TRIP4: variants seen among roughly 807,000 people sequenced by gnomAD.
TRIP4 encodes activating signal cointegrator 1.
Under a neutral mutation model 81.8 loss-of-function variants are expected in TRIP4, and 54 were observed. The ratio of observed to expected loss-of-function variants is 0.66; its 90% confidence interval spans 0.53 to 0.83. The LOEUF (loss-of-function observed/expected upper bound fraction) is 0.83. Among genes scored for constraint, TRIP4 ranks in the 40% least tolerant of loss-of-function variants. The probability of loss-of-function intolerance (pLI) is 0.00; values close to 1 mark genes in which losing one functional copy is unlikely to be tolerated. For missense variants in TRIP4, 662 were observed against 683.6 expected, an observed-to-expected ratio of 0.97 and a Z score of 0.35; for synonymous variants, 270 against 242.8, an observed-to-expected ratio of 1.11 and a Z score of -1.04.
At chr15:64,408,567 T>C (rs1891686542) in intron 6 of TRIP4, among the ~76,000 whole-genome samples, 1 of 152,064 alleles carries the variant, frequency 6.6e-6, no homozygotes, top group African/African-American at 2.4e-5. Flanking sequence ...GCTGACAAAA[T>C]TTTTTTATAA....
intron 11 of TRIP4, among the ~76,000 whole-genome samples, chr15:64,443,839 TAGAG>T (rs1250879660): frequency 6.6e-6 from 1 of 151,930 alleles, no homozygotes; most frequent in African/African-American, 2.4e-5. Flanking sequence ...CTGGGCAACA[TAGAG>T]AGACCCCATC....
intron 12 of TRIP4, among the ~76,000 whole-genome samples, chr15:64,450,376 G>A (rs564938883): frequency 7.9e-6 from 1 of 126,628 alleles, no homozygotes; most frequent in South Asian, 2.8e-4. Flanking sequence ...GCGAGAGTGT[G>A]AGACTCCGTC....
At chr15:64,411,453 C>T (rs1891758474) in intron 7 of TRIP4, among the ~76,000 whole-genome samples, 1 of 151,964 alleles carries the variant, frequency 6.6e-6, no homozygotes, top group Non-Finnish European at 1.5e-5. Flanking sequence ...CTCAATTTTG[C>T]TCTGAACCTA....
chr15:64,411,947 C>T (rs533775866), intron 7 of TRIP4, among the ~76,000 whole-genome samples: 1 of 100 alleles, frequency 0.01, no homozygotes, highest in South Asian at 0.5. Context: ...TCCCAAAGTG[C>T]TGGGATACAG....
intron 7 of TRIP4, among the ~76,000 whole-genome samples, chr15:64,413,236 A>G (rs1298435979): frequency 6.6e-6 from 1 of 151,884 alleles, no homozygotes; most frequent in Non-Finnish European, 1.5e-5. Context: ...CTTATTGACT[A>G]TTGCCCAAGC....
In TRIP4 at chr15:64,400,656, G is replaced by A. The variant is rs1891474895; in HGVS notation, c.619-87G>A. 3 of 962,504 alleles carry A rather than the reference G, an allele frequency of 3.1e-6. No homozygotes were observed. The East Asian group carries it at 7.5e-5, about 24-fold the overall frequency. 59.6% of individuals were successfully genotyped at this position (962,504 alleles called of 1,614,324 possible). A position where few individuals can be genotyped will look rare whatever the true frequency, so the allele number is the denominator to read the frequency against. ...TCTCATTATTTTATCATCATCTAAT[G>A]TGTAATTTCAGGTTACTTTTAGATA... On this transcript the variant is annotated intron_variant, in intron 4 of 12. Coordinates refer to ENST00000261884, the MANE Select transcript of TRIP4 (RefSeq NM_016213.5).
chr15:64,397,135 G>A (rs1900319259), intron 3 of TRIP4, among the ~76,000 whole-genome samples: 1 of 152,090 alleles, frequency 6.6e-6, no homozygotes, highest in South Asian at 2.1e-4. Flanking sequence ...TCGACTAACT[G>A]CAACCTCCAC....
At position 64,424,462 on chromosome 15, in the gene TRIP4, T is replaced by A. The variant is rs192848521; in HGVS notation, c.1483+307T>A. 10 of 258,222 alleles carry A rather than the reference T, an allele frequency of 3.9e-5. No individual in the cohort carries two copies. In the Admixed American group the frequency reaches 4.8e-4, roughly 13 times the overall value. The allele number at this position is 258,222 out of a possible 1,614,324, so 16.0% of individuals were successfully genotyped here. A position where few individuals can be genotyped will look rare whatever the true frequency, so the allele number is the denominator to read the frequency against. ...AGTGTAAACTCTGAGATCCTTACATTGGGAAGAACAACCACAAATAGGAAT... is the reference window on the plus strand; with the variant it reads ...AGTGTAAACTCTGAGATCCTTACATAGGGAAGAACAACCACAAATAGGAAT... On this transcript the variant is annotated intron_variant, in intron 10 of 12. Transcript: ENST00000261884.
intron 11 of TRIP4, among the ~76,000 whole-genome samples, chr15:64,442,473 T>TG (rs1377859060): frequency 2.0e-5 from 3 of 151,970 alleles, no homozygotes; most frequent in Non-Finnish European, 4.4e-5. Context: ...TTTGTAGAGA[T>TG]GGGGTCTTGC....
chr15:64,432,336 A>G (rs983442456), intron 11 of TRIP4, among the ~76,000 whole-genome samples: 5 of 152,124 alleles, frequency 3.3e-5, no homozygotes, highest in Admixed American at 6.6e-5. Context: ...TACTTGAGCC[A>G]GGCGCAGTGG....
intron 9 of TRIP4, among the ~76,000 whole-genome samples, chr15:64,422,894 A>G (rs886516920): frequency 7.2e-5 from 11 of 152,188 alleles, no homozygotes; most frequent in African/African-American, 2.7e-4. Context: ...TCGTGCACCT[A>G]CTGTGTGCCT....
intron 11 of TRIP4, among the ~76,000 whole-genome samples, chr15:64,432,790 A>C (rs1365840493): frequency 2.0e-5 from 3 of 151,526 alleles, no homozygotes; most frequent in African/African-American, 7.3e-5. Context: ...ATGCGCCTGT[A>C]ATCCCAGCTA....
chr15:64,434,714 T>C (rs969236524), intron 11 of TRIP4, among the ~76,000 whole-genome samples: 4 of 152,154 alleles, frequency 2.6e-5, no homozygotes, highest in African/African-American at 4.8e-5. Context: ...ACAGGAACAA[T>C]GATGCAAGGG....
At chr15:64,418,885 G>A (rs887118757) in intron 9 of TRIP4, among the ~76,000 whole-genome samples, 157 bp downstream of exon 9, 3 of 152,066 alleles carry the variant, frequency 2.0e-5, no homozygotes, top group African/African-American at 7.2e-5. Flanking sequence ...TTACTGACTT[G>A]GTAGCAGTAT....
intron 5 of TRIP4, among the ~76,000 whole-genome samples, chr15:64,405,039 G>T (rs755013646): frequency 6.6e-6 from 1 of 151,794 alleles, no homozygotes; most frequent in Admixed American, 6.6e-5. Context: ...CTCTTTTCTG[G>T]GATATACAAA....
At chr15:64,402,225 ATT>A (rs759068935) in intron 5 of TRIP4, among the ~76,000 whole-genome samples, 4 of 142,188 alleles carry the variant, frequency 2.8e-5, no homozygotes. Context: ...GGTTAAGGAC[ATT>A]TTTTTTTTTT....
intron 2 of TRIP4, among the ~76,000 whole-genome samples, chr15:64,394,867 A>G (rs1409352513): frequency 1.3e-5 from 2 of 152,148 alleles, no homozygotes; most frequent in Non-Finnish European, 2.9e-5. Flanking sequence ...GTTTTGAGAC[A>G]TGGTCTCACT....
At chr15:64,421,499 CT>C (rs1892012849) in intron 9 of TRIP4, among the ~76,000 whole-genome samples, 1 of 151,328 alleles carries the variant, frequency 6.6e-6, no homozygotes, top group Non-Finnish European at 1.5e-5. Context: ...CCATGCCCGG[CT>C]AATTTTTGTA....
chr15:64,422,863 T>C lies in TRIP4; in HGVS notation c.1359-1168T>C, dbSNP rs552917053. On this transcript the variant is annotated intron_variant, in intron 9 of 12. Transcript: ENST00000261884. ...GGTTATTTGGCCTAGAGGGAAGATATACATTGGTTCATTCCCCATATCGTG... is the reference window on the plus strand; with the variant it reads ...GGTTATTTGGCCTAGAGGGAAGATACACATTGGTTCATTCCCCATATCGTG... Among the ~76,000 whole-genome samples, 8 of 152,322 alleles carry C rather than the reference T, an allele frequency of 5.3e-5. No homozygotes were observed. The South Asian group carries it at 1.5e-3, about 28-fold the overall frequency.
Sources: gnomAD v4.1 joint callset for allele counts (sites outside exome capture counted in the v4.1 genomes callset) on GRCh38, gnomAD v4.1.1 for gene constraint, MANE v1.5 for transcripts, NCBI Gene and HGNC (gene_info 2026-07-23, HGNC 2026-07-21) for gene names.